GPC6: variants seen among roughly 807,000 people sequenced by gnomAD.
GPC6 encodes glypican 6, also known as glypican-6.
In GPC6, 14 loss-of-function variants were observed where a neutral mutation model predicts 55.2. That is an observed-to-expected ratio of 0.25 (90% CI 0.17 to 0.40). The LOEUF (loss-of-function observed/expected upper bound fraction) is 0.40. Among genes scored for constraint, GPC6 ranks in the 10% least tolerant of loss-of-function variants. The pLI, the probability that GPC6 is intolerant of heterozygous loss-of-function variation, is 1.00. For synonymous variants in GPC6, 278 were observed against 259.6 expected, an observed-to-expected ratio of 1.07 and a Z score of -0.68; for missense variants, 641 against 708.5, an observed-to-expected ratio of 0.90 and a Z score of 1.08.
At chr13:94,099,368 T>C (rs916124136) in intron 4 of GPC6, among the ~76,000 whole-genome samples, 4 of 152,138 alleles carry the variant, frequency 2.6e-5, no homozygotes, top group Admixed American at 6.6e-5. Context: ...AAATAACTTA[T>C]TGGTGCACAT....
intron 1 of GPC6, among the ~76,000 whole-genome samples, chr13:93,299,705 T>C (rs1446968609): frequency 6.6e-6 from 1 of 152,238 alleles, no homozygotes; most frequent in Non-Finnish European, 1.5e-5. Flanking sequence ...TTTAAGAGTG[T>C]TATATGCCAA....
intron 4 of GPC6, among the ~76,000 whole-genome samples, chr13:94,048,006 T>A (rs1406489661): frequency 1.3e-5 from 2 of 151,582 alleles, no homozygotes; most frequent in Non-Finnish European, 2.9e-5. Context: ...TTTAACATTT[T>A]TTTTCTCTGG....
chr13:93,479,112 T>C (rs1293394500), intron 1 of GPC6, among the ~76,000 whole-genome samples: 2 of 152,136 alleles, frequency 1.3e-5, no homozygotes, highest in Admixed American at 6.5e-5. Context: ...TACATCTTTG[T>C]TAAAAGGAGC....
chr13:93,455,378 G>T (rs1292504199), intron 1 of GPC6, among the ~76,000 whole-genome samples: 1 of 152,102 alleles, frequency 6.6e-6, no homozygotes, highest in Admixed American at 6.5e-5. Context: ...CGAAGGAAAA[G>T]AAACTCAAGG....
At chr13:93,323,917 T>G (rs1351810338) in intron 1 of GPC6, among the ~76,000 whole-genome samples, 1 of 152,210 alleles carries the variant, frequency 6.6e-6, no homozygotes, top group Admixed American at 6.5e-5. Flanking sequence ...AGCAACCATA[T>G]GCTCCAGCAG....
At chr13:94,395,562 G>T (rs1173974719) in intron 7 of GPC6, among the ~76,000 whole-genome samples, 1 of 152,134 alleles carries the variant, frequency 6.6e-6, no homozygotes, top group East Asian at 1.9e-4. Context: ...TTCAATACCT[G>T]AAAAATAGCT....
At chr13:93,246,981 G>A (rs1876624858) in intron 1 of GPC6, among the ~76,000 whole-genome samples, 1 of 150,226 alleles carries the variant, frequency 6.7e-6, no homozygotes, top group Non-Finnish European at 1.5e-5. Flanking sequence ...AAAATTTCTG[G>A]TAATTTGTTC....
At chr13:93,582,018 C>CAG (rs1381525945) in intron 2 of GPC6, among the ~76,000 whole-genome samples, 1 of 152,128 alleles carries the variant, frequency 6.6e-6, no homozygotes, top group Non-Finnish European at 1.5e-5. Context: ...TCTGGGTATG[C>CAG]AGAGAGAGAC....
intron 4 of GPC6, among the ~76,000 whole-genome samples, chr13:94,114,418 C>T (rs773645034): frequency 8.2e-4 from 124 of 151,988 alleles, no homozygotes; most frequent in Non-Finnish European, 1.6e-4. Context: ...AGGAAGCAGG[C>T]GGGGGTATAT....
intron 3 of GPC6, among the ~76,000 whole-genome samples, chr13:93,836,988 C>T (rs1323611639): frequency 1.3e-5 from 2 of 152,104 alleles, no homozygotes; most frequent in African/African-American, 2.4e-5. Flanking sequence ...TTGATTAAAA[C>T]AATTTGATTA....
intron 3 of GPC6, among the ~76,000 whole-genome samples, chr13:93,942,093 A>C (rs1448386158): frequency 1.3e-5 from 2 of 152,112 alleles, no homozygotes; most frequent in African/African-American, 4.8e-5. Flanking sequence ...ACATAAGAAA[A>C]ATTTTATCTA....
intron 5 of GPC6, among the ~76,000 whole-genome samples, chr13:94,305,568 A>G (rs1455315739): frequency 6.6e-6 from 1 of 152,238 alleles, no homozygotes; most frequent in African/African-American, 2.4e-5. Context: ...ACTTGTTTAC[A>G]GTCTGAGAGC....
intron 4 of GPC6, among the ~76,000 whole-genome samples, chr13:94,083,384 C>G (rs779711026): frequency 8.5e-5 from 13 of 152,196 alleles, no homozygotes; most frequent in Non-Finnish European, 1.8e-4. Context: ...TCCCAAAGTG[C>G]TGGGATTACA....
chr13:93,955,010 C>T (rs1879436324), intron 3 of GPC6, among the ~76,000 whole-genome samples: 1 of 152,118 alleles, frequency 6.6e-6, no homozygotes, highest in South Asian at 2.1e-4. Flanking sequence ...CATCTGCCCA[C>T]TTTTGCAGAC....
intron 2 of GPC6, among the ~76,000 whole-genome samples, chr13:93,783,865 C>G (rs1188246134): frequency 1.3e-5 from 2 of 152,116 alleles, no homozygotes; most frequent in East Asian, 3.8e-4. Context: ...GAAAGTCATT[C>G]ATTCTTCAAA....
intron 4 of GPC6, among the ~76,000 whole-genome samples, chr13:94,146,518 A>G (rs1056255727): frequency 6.6e-6 from 1 of 152,260 alleles, no homozygotes; most frequent in African/African-American, 2.4e-5. Flanking sequence ...GACCAATTAT[A>G]GCGTTCAAAA....
chr13:93,261,721 A>G (rs949449680), intron 1 of GPC6, among the ~76,000 whole-genome samples: 10 of 152,126 alleles, frequency 6.6e-5, no homozygotes, highest in African/African-American at 2.4e-4. Flanking sequence ...CATTTGTTTC[A>G]CATGTATTTT....
intron 4 of GPC6, among the ~76,000 whole-genome samples, chr13:94,035,409 A>G (rs573752768): frequency 1.1e-3 from 172 of 152,220 alleles, no homozygotes; most frequent in Non-Finnish European, 2.0e-3. Flanking sequence ...TAAAAGGAAC[A>G]TGTGATAGAA....
chr13:93,630,622 A>C (rs1191747032), intron 2 of GPC6, among the ~76,000 whole-genome samples: 1 of 152,162 alleles, frequency 6.6e-6, no homozygotes, highest in East Asian at 1.9e-4. Context: ...TGGTATTAAA[A>C]ATTGACGCTT....
Sources: gnomAD v4.1 joint callset for allele counts (sites outside exome capture counted in the v4.1 genomes callset) on GRCh38, gnomAD v4.1.1 for gene constraint, MANE v1.5 for transcripts, NCBI Gene and HGNC (gene_info 2026-07-23, HGNC 2026-07-21) for gene names.